The following ARID4B variants were observed in gnomAD, a reference collection of about 807,000 sequenced individuals.
The protein encoded by ARID4B is AT-rich interaction domain 4B, also known as AT-rich interactive domain-containing protein 4B.
ARID4B carries 26 observed loss-of-function variants against 147.5 expected under a neutral mutation model. The observed-to-expected ratio is 0.18, with a 90% CI of 0.13 to 0.24. ARID4B has a LOEUF of 0.24. ARID4B is among the 10% of genes least tolerant of loss of function. ARID4B has a pLI of 1.00. For missense variants in ARID4B, 1,179 were observed against 1,511.5 expected (o/e 0.78, Z 3.65); for synonymous variants, 512 against 507.9 (o/e 1.01, Z -0.11).
intron 17 of ARID4B, among the ~76,000 whole-genome samples, chr1:235,202,021 T>C (rs1274304695): frequency 2.0e-5 from 3 of 150,522 alleles, no homozygotes; most frequent in Non-Finnish European, 4.4e-5. Flanking sequence ...AATATATACA[T>C]ATATATACAC....
chr1:235,254,823 T>C (rs374580654), intron 5 of ARID4B, among the ~76,000 whole-genome samples: 8 of 151,952 alleles, frequency 5.3e-5, no homozygotes, highest in African/African-American at 1.9e-4. Flanking sequence ...AATAAACATA[T>C]GAAAAGATGT....
intron 2 of ARID4B, among the ~76,000 whole-genome samples, chr1:235,315,435 A>T (rs1674362750): frequency 6.6e-6 from 1 of 152,250 alleles, no homozygotes; most frequent in Non-Finnish European, 1.5e-5. Context: ...GTCTCCAAAA[A>T]AATAAATTAT....
At position 235,174,199 on chromosome 1, in the gene ARID4B, G is replaced by A. The variant is rs537781229; in HGVS notation, c.3664+985C>T. ...GGACTACAAGCGCGTGCCACCACGC[G>A]CAGCTAATTTTTTGTTTTATTAGTA... On this transcript the variant is annotated intron_variant, in intron 22 of 23. Transcript: ENST00000264183. 3.3e-5 allele frequency among the ~76,000 whole-genome samples: 5 copies of A among 151,818 alleles called. No homozygotes were observed. In the East Asian group the frequency reaches 5.9e-4, roughly 18 times the overall value.
chr1:235,309,199 C>A lies in ARID4B; in HGVS notation c.6+17715G>T, dbSNP rs553573323. Among the ~76,000 whole-genome samples the A allele has an allele frequency of 2.4e-3, 360 of 150,862 alleles. 2 individuals are homozygous for A. The highest frequency in any genetic ancestry group is 8.4e-3 in the African/African-American group (344 of 41,008). The stretch of plus-strand genomic sequence containing the variant: ...CTGGGAGGTGAGGAGCGTCTCTGCC[C>A]GGCCGCCCCGTCTGAGAAGTGGGGA... On this transcript the variant is annotated intron_variant, in intron 2 of 23. Coordinates refer to ENST00000264183, the MANE Select transcript of ARID4B (RefSeq NM_016374.6).
At chr1:235,216,113 T>C (rs1667055745) in intron 16 of ARID4B, among the ~76,000 whole-genome samples, 1 of 152,170 alleles carries the variant, frequency 6.6e-6, no homozygotes, top group Non-Finnish European at 1.5e-5. Context: ...GGATGTTTAA[T>C]GGACCGGTGG....
At chr1:235,268,900 A>G (rs1670789164) in intron 2 of ARID4B, among the ~76,000 whole-genome samples, 1 of 152,228 alleles carries the variant, frequency 6.6e-6, no homozygotes, top group African/African-American at 2.4e-5. Context: ...GAAAGTAAAG[A>G]AATGGTGCGA....
chr1:235,221,512 C>G, intron 14 of ARID4B, 53 bp downstream of exon 14: 1 of 1,049,054 alleles, frequency 9.5e-7, no homozygotes, highest in Non-Finnish European at 1.4e-6. Context: ...AAATTTCATC[C>G]TGCTTTCTAG....
At chr1:235,257,680 C>A (rs1248871256) in intron 3 of ARID4B, among the ~76,000 whole-genome samples, 1 of 152,022 alleles carries the variant, frequency 6.6e-6, no homozygotes, top group African/African-American at 2.4e-5. Flanking sequence ...GGGGTTTCAA[C>A]ACATTGGCCA....
intron 2 of ARID4B, among the ~76,000 whole-genome samples, chr1:235,301,535 T>TATTTC (rs1673141662): frequency 5.7e-5 from 1 of 17,464 alleles, no homozygotes; most frequent in Non-Finnish European, 1.1e-4. Flanking sequence ...ACCCTATTTC[T>TATTTC]TTTTTTTTTT....
rs867073886 is a variant in ARID4B at position 235,173,808 on chromosome 1, A to G, written c.3665-1044T>C. Among the ~76,000 whole-genome samples the G allele has an allele frequency of 8.3e-3, 655 of 78,548 alleles. 25 individuals carry two copies. Among genetic ancestry groups the G allele is most frequent in the African/African-American group, 0.029 (563 of 19,444 alleles). The allele number at this position is 78,548 out of a possible 152,430, so 51.5% of individuals were successfully genotyped here. Reference sequence around the variant, plus strand: ...TATATATATATATATATATATATATATATATGTATACCTAAAACATATATA... The same window carrying G: ...TATATATATATATATATATATATATGTATATGTATACCTAAAACATATATA... On this transcript the variant is annotated intron_variant, in intron 22 of 23. Coordinates refer to ENST00000264183, the MANE Select transcript of ARID4B (RefSeq NM_016374.6).
At chr1:235,246,564 CTTT>C (rs1212048934) in intron 6 of ARID4B, 53 bp from the exon 7 acceptor site, 1 of 1,298,848 alleles carries the variant, frequency 7.7e-7, no homozygotes, top group East Asian at 2.3e-5. Context: ...CAAGTGCCTT[CTTT>C]GTTTTAAACC....
intron 2 of ARID4B, among the ~76,000 whole-genome samples, chr1:235,321,486 C>G (rs1275795172): frequency 6.6e-6 from 1 of 151,968 alleles, no homozygotes; most frequent in Non-Finnish European, 1.5e-5. Flanking sequence ...TCTTCCTACC[C>G]CAGGATGAGT....
At chr1:235,277,536 CAA>C (rs576771466) in intron 2 of ARID4B, among the ~76,000 whole-genome samples, 37 of 87,220 alleles carry the variant, frequency 4.2e-4, no homozygotes, top group African/African-American at 7.5e-4. Flanking sequence ...GACTCCGTCT[CAA>C]AAAAAAAAAA....
chr1:235,179,953 C>T (rs1324752415), intron 20 of ARID4B, among the ~76,000 whole-genome samples: 1 of 151,288 alleles, frequency 6.6e-6, no homozygotes, highest in Non-Finnish European at 1.5e-5. Context: ...GCCTGTAGTC[C>T]CAGCTACTCA....
intron 11 of ARID4B, among the ~76,000 whole-genome samples, chr1:235,226,539 T>A (rs1299701238): frequency 1.3e-5 from 2 of 152,066 alleles, no homozygotes; most frequent in East Asian, 1.9e-4. Context: ...TTTTTTTTTT[T>A]TAGATGGAGT....
Position 235,240,468 on chromosome 1 carries a change from A to G in ARID4B, c.447-17T>C. On this transcript the variant is annotated splice_polypyrimidine_tract_variant and intron_variant, in intron 7 of 23. Transcript: ENST00000264183. Reference sequence around the variant, plus strand: ...TCCTCTGGTCTAGGGAGAGAAAAAAATAAAATATTTCCATTTATCCTCACA... The same window carrying G: ...TCCTCTGGTCTAGGGAGAGAAAAAAGTAAAATATTTCCATTTATCCTCACA... 1 of 1,608,168 alleles carries G rather than the reference A, an allele frequency of 6.2e-7. No homozygotes were observed. The highest frequency in any genetic ancestry group is 8.5e-7 in the Non-Finnish European group (1 of 1,175,846).
rs188597245 is a variant in ARID4B, at chr1:235,274,925, C to A, written c.7-14173G>T. 3.0e-4 allele frequency among the ~76,000 whole-genome samples: 46 copies of A among 152,020 alleles called. 1 individual carries two copies. Among genetic ancestry groups the A allele is most frequent in the Admixed American group, 2.3e-3 (35 of 15,262 alleles). ...ATCTTTGAATTATGATTATCATGTG[C>A]TAAATCAAATGCATACTAAAAACAG... On this transcript the variant is annotated intron_variant, in intron 2 of 23. Coordinates refer to ENST00000264183, the MANE Select transcript of ARID4B (RefSeq NM_016374.6).
chr1:235,300,418 TAA>T (rs34888924), intron 2 of ARID4B, among the ~76,000 whole-genome samples: 223 of 143,486 alleles, frequency 1.6e-3, no homozygotes, highest in Admixed American at 2.4e-3. Flanking sequence ...CTCCGTCTCA[TAA>T]AAAAAAAAAA....
At chr1:235,188,121 T>G (rs10924500) in intron 19 of ARID4B, among the ~76,000 whole-genome samples, 72,366 of 151,420 alleles carry the variant, frequency 0.48, 17,605 homozygotes, top group South Asian at 0.6. Context: ...GGGTTTGGGG[T>G]CATTGTATAT....
Sources: allele counts gnomAD v4.1 joint callset (sites outside exome capture counted in the v4.1 genomes callset), GRCh38; gene constraint gnomAD v4.1.1; transcripts MANE v1.5; gene names NCBI Gene and HGNC (gene_info 2026-07-23, HGNC 2026-07-21).